POGLUT2: variants seen among roughly 807,000 people sequenced by gnomAD.
POGLUT2 encodes the protein protein O-glucosyltransferase 2, also known as ER protein 58.
In POGLUT2, 47 loss-of-function variants were observed where a neutral mutation model predicts 57.6. The observed-to-expected ratio is 0.82, with a 90% CI of 0.65 to 1.04. The LOEUF is 1.04. Ranked by LOEUF, POGLUT2 falls within the 50% of genes least tolerant of loss-of-function variation. POGLUT2 has a pLI of 0.00. For synonymous variants in POGLUT2, 200 were observed against 218.8 expected (o/e 0.91, Z 0.76); for missense variants, 565 against 614.8 (o/e 0.92, Z 0.86).
chr13:102,794,647 AGAGT>A (rs1300577205), intron 2 of POGLUT2, among the ~76,000 whole-genome samples: 1 of 152,204 alleles, frequency 6.6e-6, no homozygotes, highest in Admixed American at 6.5e-5. Context: ...CTTGGGGGAC[AGAGT>A]GAGACTCTTG....
At position 102,791,304 on chromosome 13, in the gene POGLUT2, T is replaced by A. The variant is rs1387943131; in HGVS notation, c.799A>T (p.Met267Leu). 2.5e-6 allele frequency: 4 copies of A among 1,610,322 alleles called. No homozygotes were observed. The highest frequency in any genetic ancestry group is 3.3e-4 in the Middle Eastern group (2 of 6,032). ...CGSTDSKDIV[M>L]PTYDLTDSVL... ...GAATCAGTCAAATCGTACGTAGGCA[T>A]CACGATATCCTTGGAATCTGTGGAG... The change falls in exon 5 of 10, where the codon ATG becomes TTG. Residue 267 changes from methionine (M) to leucine (L), a missense_variant. Physicochemically the swap from Met to Leu is conservative, Grantham distance 15. Transcript: ENST00000376004.
chr13:102,798,700 C>A lies in POGLUT2; in HGVS notation c.-30G>T, dbSNP rs7993350. 0.044 allele frequency: 68,651 copies of A among 1,556,160 alleles called. 2,045 individuals are homozygous for A. The highest frequency in any genetic ancestry group is 0.13 in the African/African-American group (9,813 of 72,774). On this transcript the variant is annotated 5_prime_UTR_variant, in exon 1 of 10. Coordinates refer to ENST00000376004, the MANE Select transcript of POGLUT2 (RefSeq NM_024089.3). ...AAGACGGACTCTCGAAATGATCCAC[C>A]GATAAATGAAGAAGTGTAAGAGGTG... is the stretch of plus-strand genomic sequence containing the variant.
chr13:102,798,431 A>T, intron 1 of POGLUT2, 58 bp downstream of exon 1: 1 of 1,451,544 alleles, frequency 6.9e-7, no homozygotes, highest in Non-Finnish European at 9.3e-7. Flanking sequence ...AAAATCTTAA[A>T]GGGAGAAACA....
intron 4 of POGLUT2, 116 bp downstream of exon 4, chr13:102,793,225 A>G: frequency 3.1e-6 from 2 of 643,068 alleles, no homozygotes; most frequent in Non-Finnish European, 5.6e-6. Flanking sequence ...GAATAGTATT[A>G]TCATAAGGCT....
chr13:102,791,871 T>C lies in POGLUT2; in HGVS notation c.673-441A>G, dbSNP rs1878193935. ...AACGTAGTAAGTTTCAAGCTATGCT[T>C]CCTTCCTCTACTGGCAAATGGCATG... On this transcript the variant is annotated intron_variant, in intron 4 of 9. Coordinates refer to ENST00000376004, the MANE Select transcript of POGLUT2 (RefSeq NM_024089.3). 6.1e-5 allele frequency: 42 copies of C among 693,632 alleles called. 2 individuals are homozygous for C. The South Asian group carries it at 6.8e-4, about 11-fold the overall frequency. 43.0% of individuals were successfully genotyped at this position (693,632 alleles called of 1,614,324 possible). A position where few individuals can be genotyped will look rare whatever the true frequency, so the allele number is the denominator to read the frequency against.
At chr13:102,787,760 G>A (rs1459034053) in intron 8 of POGLUT2, 74 bp downstream of exon 8, 2 of 747,016 alleles carry the variant, frequency 2.7e-6, no homozygotes, top group Non-Finnish European at 2.1e-6. Flanking sequence ...TTTAGAAATT[G>A]TTAAGTAAAA....
chr13:102,798,840 G>T lies in POGLUT2; in HGVS notation c.-170C>A. ...AGGCGCGCGGGTCTCCGCGACCCCAGGACAATCAAAGCCCGTGCCCCGGCG... is the reference window on the plus strand; with the variant it reads ...AGGCGCGCGGGTCTCCGCGACCCCATGACAATCAAAGCCCGTGCCCCGGCG... On this transcript the variant is annotated 5_prime_UTR_variant, in exon 1 of 10. It adds an upstream start codon to the 5' untranslated region. Transcript: ENST00000376004. The T allele has an allele frequency of 1.6e-6, 1 of 624,004 alleles. No homozygotes were observed. Among genetic ancestry groups the T allele is most frequent in the Non-Finnish European group, 2.6e-6 (1 of 386,192 alleles). The allele number at this position is 624,004 out of a possible 1,614,324, so 38.7% of individuals were successfully genotyped here. A position where few individuals can be genotyped will look rare whatever the true frequency, so the allele number is the denominator to read the frequency against.
intron 4 of POGLUT2, among the ~76,000 whole-genome samples, chr13:102,792,945 T>C (rs143592442): frequency 7.9e-5 from 12 of 152,226 alleles, no homozygotes; most frequent in Non-Finnish European, 1.8e-4. Context: ...CAGGCTAATT[T>C]TTGTATTTTT....
At chr13:102,784,664 G>C in intron 9 of POGLUT2, 152 bp from the exon 10 acceptor site, 1 of 601,872 alleles carries the variant, frequency 1.7e-6, no homozygotes, top group Middle Eastern at 2.7e-4. Flanking sequence ...CAGAGGCCCA[G>C]AGTCAGCTAA....
chr13:102,796,037 C>T (rs1458048715), intron 2 of POGLUT2, among the ~76,000 whole-genome samples: 1 of 152,010 alleles, frequency 6.6e-6, no homozygotes, highest in Non-Finnish European at 1.5e-5. Flanking sequence ...TGGCTCACAC[C>T]TGTAATCCCA....
At chr13:102,793,580 G>A in intron 3 of POGLUT2, 21 bp downstream of exon 3, 1 of 1,592,842 alleles carries the variant, frequency 6.3e-7, no homozygotes, top group Non-Finnish European at 8.6e-7. Flanking sequence ...AAACAAACAA[G>A]CAAAAAATCA....
intron 6 of POGLUT2, 127 bp from the exon 7 acceptor site, chr13:102,789,348 C>T (rs1252133269): frequency 1.3e-5 from 9 of 710,778 alleles, no homozygotes; most frequent in Non-Finnish European, 2.1e-5. Flanking sequence ...CCACGCTCTG[C>T]CTTTGCCGTT....
At chr13:102,787,963 AT>A in intron 7 of POGLUT2, 40 bp from the exon 8 acceptor site, 6 of 1,326,456 alleles carry the variant, frequency 4.5e-6, no homozygotes, top group Admixed American at 1.9e-5. Flanking sequence ...AATAGAATCC[AT>A]TTTTCCCATG....
chr13:102,794,277 A>G (rs534862821), intron 2 of POGLUT2, among the ~76,000 whole-genome samples: 2 of 152,270 alleles, frequency 1.3e-5, no homozygotes, highest in South Asian at 2.1e-4. Context: ...GGGCATTGCA[A>G]GTAAGTCAGC....
chr13:102,785,208 T>G (rs187327492), intron 9 of POGLUT2, among the ~76,000 whole-genome samples: 185 of 152,292 alleles, frequency 1.2e-3, no homozygotes, highest in Admixed American at 3.5e-3. Context: ...ATCAGGATGA[T>G]TCCAAGCTAC....
intron 4 of POGLUT2, 67 bp from the exon 5 acceptor site, chr13:102,791,497 T>C: frequency 4.9e-6 from 7 of 1,415,900 alleles, no homozygotes; most frequent in Non-Finnish European, 5.7e-6. Flanking sequence ...TATTTATCAA[T>C]TTAAATTTGA....
chr13:102,786,490 A>G (rs985869665), intron 8 of POGLUT2, 151 bp from the exon 9 acceptor site: 6 of 589,406 alleles, frequency 1.0e-5, no homozygotes, highest in Non-Finnish European at 1.8e-5. Context: ...AGTTCTGAAC[A>G]TCAACAGTAG....
At chr13:102,788,894 T>C (rs1367973181) in intron 7 of POGLUT2, 118 bp downstream of exon 7, 2 of 890,740 alleles carry the variant, frequency 2.2e-6, no homozygotes, top group South Asian at 3.0e-5. Context: ...GCTTCCCATT[T>C]ACAGGCCAAA....
chr13:102,784,684 C>T (rs1877863576), intron 9 of POGLUT2, among the ~76,000 whole-genome samples, 172 bp from the exon 10 acceptor site: 1 of 152,194 alleles, frequency 6.6e-6, no homozygotes, highest in African/African-American at 2.4e-5. Context: ...AGGGTAAAAT[C>T]ACATTGTGTT....
Sources: gnomAD v4.1 joint callset for allele counts (sites outside exome capture counted in the v4.1 genomes callset) on GRCh38, gnomAD v4.1.1 for gene constraint, MANE v1.5 for transcripts, NCBI Gene and HGNC (gene_info 2026-07-23, HGNC 2026-07-21) for gene names.